Variants in NBAS observed in about 807,000 individuals in gnomAD.
The protein encoded by NBAS is NAG/BC035112 fusion.
In NBAS, 219 loss-of-function variants were observed where a neutral mutation model predicts 302.5. That is an observed-to-expected ratio of 0.72 (90% CI 0.65 to 0.81). NBAS has a LOEUF of 0.81. NBAS is among the 30% of genes least tolerant of loss of function. NBAS has a pLI of 0.00. For synonymous variants in NBAS, 1,118 were observed against 1,021.6 expected (o/e 1.09, Z -1.80); for missense variants, 2,932 against 2,841.6 (o/e 1.03, Z -0.72).
At chr2:15,080,037 C>CA in the NBAS span, among the ~76,000 whole-genome samples, 1 of 152,074 alleles carries the variant, frequency 6.6e-6, no homozygotes, top group African/African-American at 2.4e-5. Flanking sequence ...CTTATAGGTT[C>CA]AAAAATATGA....
chr2:14,807,603 T>A, the NBAS span, among the ~76,000 whole-genome samples: 3 of 152,134 alleles, frequency 2.0e-5, no homozygotes, highest in African/African-American at 7.2e-5. Flanking sequence ...CATCTACAGA[T>A]TTTTTTACAT....
At chr2:14,942,501 T>C in the NBAS span, among the ~76,000 whole-genome samples, 2 of 152,250 alleles carry the variant, frequency 1.3e-5, no homozygotes, top group Non-Finnish European at 2.9e-5. Context: ...GTAAGTTTCC[T>C]GAGGCTTCCT....
the NBAS span, among the ~76,000 whole-genome samples, chr2:14,847,662 A>C: frequency 1.3e-5 from 2 of 152,174 alleles, no homozygotes; most frequent in African/African-American, 4.8e-5. Flanking sequence ...GGCTAAGGAG[A>C]TAGATAGACT....
intron 47 of NBAS, among the ~76,000 whole-genome samples, chr2:15,230,357 G>A (rs543368737): frequency 8.2e-6 from 1 of 121,248 alleles, no homozygotes; most frequent in South Asian, 2.8e-4. Flanking sequence ...CAAAATAAAA[G>A]TTATGGCTTT....
chr2:15,279,386 C>T (rs916601189), intron 42 of NBAS, among the ~76,000 whole-genome samples: 2 of 152,056 alleles, frequency 1.3e-5, no homozygotes, highest in African/African-American at 4.8e-5. Context: ...AGGTCAAGCA[C>T]CCATATCAAC....
intron 44 of NBAS, among the ~76,000 whole-genome samples, chr2:15,252,683 C>T (rs1005038159): frequency 6.6e-6 from 1 of 151,968 alleles, no homozygotes; most frequent in African/African-American, 2.4e-5. Context: ...TAAAAAAATA[C>T]ACAGATGTCC....
the NBAS span, among the ~76,000 whole-genome samples, chr2:15,010,631 T>A: frequency 6.6e-6 from 1 of 152,182 alleles, no homozygotes; most frequent in African/African-American, 2.4e-5. Flanking sequence ...ACCATGTGAA[T>A]CCCCAGGGTC....
the NBAS span, among the ~76,000 whole-genome samples, chr2:15,013,346 C>A: frequency 6.6e-6 from 1 of 151,866 alleles, no homozygotes; most frequent in Non-Finnish European, 1.5e-5. Context: ...AACCATCCAA[C>A]CACAAAAATA....
rs1425256327 is a variant in NBAS, at chr2:15,218,857, T to C, written c.6348A>G (p.Ser2116=). 3 of 1,614,252 alleles carry C rather than the reference T, an allele frequency of 1.9e-6. No individual in the cohort carries two copies. The highest frequency in any genetic ancestry group is 3.3e-5 in the Admixed American group (2 of 60,034). The change falls in exon 48 of 52, where the codon TCA becomes TCG. Residue 2116 remains serine, a synonymous_variant. Coordinates refer to ENST00000281513, the MANE Select transcript of NBAS (RefSeq NM_015909.4). ...TGCTGTCCTCCTCAGTCAGGTGAAA[T>C]GATTGCCCCAAAATCTGCAGCACGT... The part of the protein sequence containing the change: ...RIHVLQILGQ[S]FHLTEEDSKL...
intron 48 of NBAS, among the ~76,000 whole-genome samples, chr2:15,199,379 T>C (rs1665774084): frequency 6.6e-6 from 1 of 152,138 alleles, no homozygotes; most frequent in African/African-American, 2.4e-5. Flanking sequence ...AGCATGGATG[T>C]GGACCTAGAA....
At chr2:15,141,471 G>C in the NBAS span, among the ~76,000 whole-genome samples, 1 of 152,146 alleles carries the variant, frequency 6.6e-6, no homozygotes, top group Non-Finnish European at 1.5e-5. Context: ...CTTGGACTGG[G>C]GAGAGCCCTT....
the NBAS span, among the ~76,000 whole-genome samples, chr2:15,147,736 T>C: frequency 3.3e-5 from 5 of 152,122 alleles, no homozygotes; most frequent in East Asian, 9.6e-4. Context: ...AAGGACCGCC[T>C]TTACTCATCA....
At chr2:14,862,105 T>G in the NBAS span, among the ~76,000 whole-genome samples, 50 of 152,040 alleles carry the variant, frequency 3.3e-4, no homozygotes, top group South Asian at 1.0e-2. Context: ...TTTCAACCAT[T>G]CCTGGCATTC....
intron 43 of NBAS, 117 bp downstream of exon 43, chr2:15,276,734 A>G (rs1195618955): frequency 2.0e-6 from 3 of 1,491,892 alleles, no homozygotes; most frequent in Non-Finnish European, 2.8e-6. Flanking sequence ...ATTAGCTTCA[A>G]AATTCTGTGG....
chr2:14,904,541 A>G, the NBAS span, among the ~76,000 whole-genome samples: 84 of 147,838 alleles, frequency 5.7e-4, no homozygotes, highest in African/African-American at 1.5e-3. Context: ...AGTCAGCTGT[A>G]ACTCAGTATG....
In NBAS at chr2:15,553,428, G is replaced by A; in HGVS notation, c.333C>T (p.Ile111=). 6.2e-7 allele frequency: 1 copy of A among 1,606,854 alleles called. No homozygotes were observed. The highest frequency in any genetic ancestry group is 8.5e-7 in the Non-Finnish European group (1 of 1,173,630). ...ATATGAATAATATTAACAATTACCT[G>A]ATTTCCACACACTGATCTTGAACAG... ...LAAVQDQCVE[I]RSAKDDFTSI... The change falls in exon 5 of 52, where the codon ATC becomes ATT. Residue 111 remains isoleucine, a splice_region_variant and synonymous_variant. Coordinates refer to ENST00000281513, the MANE Select transcript of NBAS (RefSeq NM_015909.4).
the NBAS span, among the ~76,000 whole-genome samples, chr2:14,822,536 G>T: frequency 6.6e-6 from 1 of 152,128 alleles, no homozygotes; most frequent in East Asian, 1.9e-4. Flanking sequence ...GACCTCCAAA[G>T]GTCATGAACC....
At chr2:15,166,461 CAG>C (rs1197230070), downstream of NBAS, among the ~76,000 whole-genome samples, 3 of 152,174 alleles carry the variant, frequency 2.0e-5, no homozygotes, top group African/African-American at 4.8e-5. Context: ...GTGAGTGGGA[CAG>C]AGAGTTAATA....
At chr2:14,881,735 T>C in the NBAS span, among the ~76,000 whole-genome samples, 5 of 152,346 alleles carry the variant, frequency 3.3e-5, no homozygotes, top group African/African-American at 9.6e-5. Context: ...TATTCATTTA[T>C]GCATTGTTTA....
Sources: allele counts gnomAD v4.1 joint callset (sites outside exome capture counted in the v4.1 genomes callset), GRCh38; gene constraint gnomAD v4.1.1; transcripts MANE v1.5; gene names NCBI Gene and HGNC (gene_info 2026-07-23, HGNC 2026-07-21).